ELMO2: variants seen among roughly 807,000 people sequenced by gnomAD.
ELMO2 encodes engulfment and cell motility protein 2.
A neutral mutation model predicts 96.2 loss-of-function variants in ELMO2; 37 were observed. The observed-to-expected ratio is 0.38, with a 90% CI of 0.30 to 0.51. The LOEUF (loss-of-function observed/expected upper bound fraction) is 0.51. Ranked by LOEUF, ELMO2 falls within the 20% of genes least tolerant of loss-of-function variation. ELMO2 has a pLI of 0.88. For synonymous variants in ELMO2, 315 were observed against 329.4 expected, an observed-to-expected ratio of 0.96 and a Z score of 0.47; for missense variants, 561 against 912.6, an observed-to-expected ratio of 0.61 and a Z score of 4.96.
chr20:46,389,161 C>T lies in ELMO2; in HGVS notation c.303G>A (p.Leu101=). The T allele has an allele frequency of 6.2e-7, 1 of 1,614,168 alleles. No individual in the cohort carries two copies. The highest frequency in any genetic ancestry group is 1.6e-4 in the Middle Eastern group (1 of 6,062). The part of the protein sequence containing the change: ...RTQSSNMETR[L]DAMKELAKLS... ...GCTTGGCCAGCTCCTTCATGGCATC[C>T]AGCCGGGTCTCCATGTTGGATGACT... Residue 101 remains leucine (L), a synonymous_variant, in exon 7 of 22, where the codon CTG becomes CTA. Transcript: ENST00000290246.
intron 2 of ELMO2, among the ~76,000 whole-genome samples, chr20:46,396,103 C>T (rs1011992963): frequency 6.6e-6 from 1 of 152,260 alleles, no homozygotes; most frequent in African/African-American, 2.4e-5. Flanking sequence ...TCCATAACTT[C>T]TGCAGCTCAT....
chr20:46,381,997 C>T (rs1476876902), intron 10 of ELMO2, among the ~76,000 whole-genome samples: 2 of 152,228 alleles, frequency 1.3e-5, no homozygotes, highest in Admixed American at 1.3e-4. Context: ...GGGCCACACT[C>T]CCTGGGGCAG....
chr20:46,380,415 T>A, intron 10 of ELMO2, 112 bp from the exon 11 acceptor site: 1 of 841,188 alleles, frequency 1.2e-6, no homozygotes, highest in Non-Finnish European at 1.9e-6. Flanking sequence ...TCTTAAATTT[T>A]TTTCCTCCCA....
chr20:46,381,479 T>A (rs1346658006), intron 10 of ELMO2, among the ~76,000 whole-genome samples: 3 of 152,204 alleles, frequency 2.0e-5, no homozygotes, highest in Non-Finnish European at 4.4e-5. Context: ...ATATTCCAAA[T>A]GGCTAATGCT....
At chr20:46,370,023 T>C (rs1472806651) in intron 20 of ELMO2, 1 of 354,520 alleles carries the variant, frequency 2.8e-6, no homozygotes. Flanking sequence ...TAAACATTTA[T>C]ATATCTGTAG....
intron 8 of ELMO2, 117 bp downstream of exon 8, chr20:46,387,221 G>A: frequency 1.3e-6 from 1 of 780,848 alleles, no homozygotes; most frequent in Non-Finnish European, 2.1e-6. Flanking sequence ...GAAAAATCTG[G>A]CCCCAGGGAA....
Position 46,371,325 on chromosome 20 carries a change from G to T in ELMO2, c.1801+27C>A. The stretch of plus-strand genomic sequence containing the variant: ...GTCTCCTGACAAGTCCAGCAACCAT[G>T]ACACATCAACAGAGAAATGAACCTA... On this transcript the variant is annotated intron_variant, in intron 19 of 21. Transcript: ENST00000290246. This position sits in a 1 kb window ranked among gnomAD's most constrained non-coding sequence, Gnocchi z 5.9. 2 of 1,607,578 alleles carry T rather than the reference G, an allele frequency of 1.2e-6. No individual in the cohort carries two copies. Among genetic ancestry groups the T allele is most frequent in the South Asian group, 2.2e-5 (2 of 90,862 alleles).
intron 11 of ELMO2, 67 bp downstream of exon 11, chr20:46,380,186 T>C (rs1229981055): frequency 6.9e-6 from 9 of 1,307,536 alleles, no homozygotes; most frequent in East Asian, 2.4e-5. Context: ...TCAATAATAA[T>C]ATATTAACAA....
intron 1 of ELMO2, among the ~76,000 whole-genome samples, chr20:46,405,354 G>T (rs1232247559): frequency 6.6e-6 from 1 of 152,186 alleles, no homozygotes; most frequent in Non-Finnish European, 1.5e-5. Flanking sequence ...AGGGGAGGAA[G>T]AGCAGACCAG....
At chr20:46,385,652 G>A (rs1354556438) in intron 9 of ELMO2, among the ~76,000 whole-genome samples, 2 of 152,128 alleles carry the variant, frequency 1.3e-5, no homozygotes, top group Non-Finnish European at 2.9e-5. Flanking sequence ...ACAGTGCATC[G>A]TCGGTTCAGT....
intron 11 of ELMO2, 74 bp downstream of exon 11, chr20:46,380,179 A>G: frequency 7.8e-7 from 1 of 1,276,370 alleles, no homozygotes; most frequent in Non-Finnish European, 1.1e-6. Flanking sequence ...AATAATTTCA[A>G]TAATAATATA....
At position 46,375,375 on chromosome 20, in the gene ELMO2, G is replaced by C; in HGVS notation, c.931-5C>G. 1.2e-6 allele frequency: 2 copies of C among 1,613,456 alleles called. No homozygotes were observed. ...AAATATGATGTCCCTTTGAGCCTGCGAGGTGAAACAGACAGTCAGCAGGTG... is the reference window on the plus strand; with the variant it reads ...AAATATGATGTCCCTTTGAGCCTGCCAGGTGAAACAGACAGTCAGCAGGTG... On this transcript the variant is annotated splice_polypyrimidine_tract_variant and splice_region_variant and intron_variant, in intron 12 of 21. Coordinates refer to ENST00000290246, the MANE Select transcript of ELMO2 (RefSeq NM_133171.5). This position sits in a 1 kb window ranked among gnomAD's most constrained non-coding sequence, Gnocchi z 4.6.
chr20:46,398,205 T>C (rs1444476152), intron 2 of ELMO2, among the ~76,000 whole-genome samples: 1 of 152,202 alleles, frequency 6.6e-6, no homozygotes, highest in African/African-American at 2.4e-5. Flanking sequence ...GGGTTTGCTC[T>C]TACCCACTAG....
intron 13 of ELMO2, among the ~76,000 whole-genome samples, chr20:46,374,866 C>G (rs2059824683): frequency 1.3e-5 from 2 of 152,198 alleles, no homozygotes; most frequent in Admixed American, 6.5e-5. Flanking sequence ...CTGCTGCACA[C>G]TGAGTAGGTA....
chr20:46,369,961 GGTGTGTGT>G (rs200632114), intron 20 of ELMO2: 71 of 50,256 alleles, frequency 1.4e-3, no homozygotes, highest in Non-Finnish European at 1.9e-3. Flanking sequence ...TGGGTATGGG[GGTGTGTGT>G]GTGTGTGTGT....
chr20:46,391,102 C>T lies in ELMO2; in HGVS notation c.244-1882G>A, dbSNP rs17469340. The stretch of plus-strand genomic sequence containing the variant: ...TGTGCAAGAGGTCTGTGAAATGTGT[C>T]GGCACTTCCATAAAAGTGAGTAACT... On this transcript the variant is annotated intron_variant, in intron 6 of 21. Transcript: ENST00000290246. Among the ~76,000 whole-genome samples, 736 of 152,238 alleles carry T rather than the reference C, an allele frequency of 4.8e-3. 7 individuals are homozygous for T. The highest frequency in any genetic ancestry group is 0.02 in the Middle Eastern group (6 of 294).
rs750445911 is a variant in ELMO2, at chr20:46,375,729, T to C, written c.869A>G (p.Gln290Arg). ...TTCCAGAAGGTTAAAGGTTAGGACT[T>C]GAAGGACATATAGCTGATGGGCCAT... ...TEMAHQLYVL[Q>R]VLTFNLLEER... The change falls in exon 12 of 22, where the codon CAA (glutamine) becomes CGA (arginine). Residue 290 changes from glutamine to arginine, a missense_variant. Coordinates refer to ENST00000290246, the MANE Select transcript of ELMO2 (RefSeq NM_133171.5). This position sits in a 1 kb window ranked among gnomAD's most constrained non-coding sequence, Gnocchi z 4.6. The C allele has an allele frequency of 1.2e-6, 2 of 1,614,218 alleles. No individual in the cohort carries two copies. Among genetic ancestry groups the C allele is most frequent in the East Asian group, 2.2e-5 (1 of 44,886 alleles).
At chr20:46,374,728 ATGC>A in intron 13 of ELMO2, 88 bp from the exon 14 acceptor site, 1 of 1,129,126 alleles carries the variant, frequency 8.9e-7, no homozygotes, top group Non-Finnish European at 1.3e-6. Context: ...TCTCCTCTTG[ATGC>A]TGCTACCACT....
In ELMO2 at chr20:46,371,283, G is replaced by T; in HGVS notation, c.1801+69C>A. 2 of 1,477,874 alleles carry T rather than the reference G, an allele frequency of 1.4e-6. No homozygotes were observed. Among genetic ancestry groups the T allele is most frequent in the Non-Finnish European group, 1.9e-6 (2 of 1,061,096 alleles). 91.5% of individuals were successfully genotyped at this position (1,477,874 alleles called of 1,614,324 possible). On this transcript the variant is annotated intron_variant, in intron 19 of 21. Coordinates refer to ENST00000290246, the MANE Select transcript of ELMO2 (RefSeq NM_133171.5). This position sits in a 1 kb window ranked among gnomAD's most constrained non-coding sequence, Gnocchi z 5.9. The stretch of plus-strand genomic sequence containing the variant: ...AAGCCCAGATGATCAGCTACAAACA[G>T]CTGGACTAGAACTCCTGTCTCCTGA...
Sources: gnomAD v4.1 joint callset for allele counts (sites outside exome capture counted in the v4.1 genomes callset) on GRCh38, gnomAD v4.1.1 for gene constraint, Gnocchi (gnomAD v3.1) non-coding constraint, MANE v1.5 for transcripts, NCBI Gene and HGNC (gene_info 2026-07-23, HGNC 2026-07-21) for gene names.